The following HIP1 variants were observed in gnomAD, a reference collection of about 807,000 sequenced individuals.
HIP1 encodes huntingtin interacting protein 1.
Under a neutral mutation model 147.6 loss-of-function variants are expected in HIP1, and 65 were observed. The observed-to-expected ratio is 0.44, with a 90% CI of 0.36 to 0.54. The LOEUF is 0.54. Among genes scored for constraint, HIP1 ranks in the 20% least tolerant of loss-of-function variants. The pLI is 0.00. For synonymous variants in HIP1, 479 were observed against 504.0 expected (o/e 0.95, Z 0.67); for missense variants, 1,061 against 1,299.6 (o/e 0.82, Z 2.82).
Position 75,562,003 on chromosome 7 carries a change from T to C in HIP1, c.1118+70A>G, listed in dbSNP as rs587593882. 24 of 871,496 alleles carry C rather than the reference T, an allele frequency of 2.8e-5. 1 individual carries two copies. The South Asian group carries it at 3.1e-4, about 11-fold the overall frequency. The allele number at this position is 871,496 out of a possible 1,614,324, so 54.0% of individuals were successfully genotyped here. On this transcript the variant is annotated intron_variant, in intron 12 of 30. Coordinates refer to ENST00000336926, the MANE Select transcript of HIP1 (RefSeq NM_005338.7). ...GTATCATTAAGAATTCCTCTTTGGT[T>C]AGTGTTTTGAGGCAGACCATGGCTT...
intron 1 of HIP1, among the ~76,000 whole-genome samples, chr7:75,608,694 G>T (rs1273311268): frequency 6.6e-6 from 1 of 152,194 alleles, no homozygotes; most frequent in Non-Finnish European, 1.5e-5. Flanking sequence ...TGAACTTAAA[G>T]CTGTCTCATG....
intron 1 of HIP1, among the ~76,000 whole-genome samples, chr7:75,709,102 T>A (rs1036893162): frequency 7.5e-6 from 1 of 133,714 alleles, no homozygotes; most frequent in Admixed American, 8.1e-5. Flanking sequence ...CTTCTTCTTT[T>A]TCTTTTCTTT....
chr7:75,703,170 G>A (rs1032881862), intron 1 of HIP1, among the ~76,000 whole-genome samples: 5 of 152,066 alleles, frequency 3.3e-5, no homozygotes, highest in Admixed American at 6.6e-5. Context: ...CCAACATGGC[G>A]AAACCCATCT....
At chr7:75,719,268 G>A (rs1236364865) in intron 1 of HIP1, among the ~76,000 whole-genome samples, 1 of 152,120 alleles carries the variant, frequency 6.6e-6, no homozygotes, top group Non-Finnish European at 1.5e-5. Flanking sequence ...ACTTTGGGAG[G>A]CCAAGGCGGG....
At chr7:75,563,866 C>T (rs56034449) in intron 9 of HIP1, among the ~76,000 whole-genome samples, 6,071 of 152,218 alleles carry the variant, frequency 0.04, 165 homozygotes, top group Middle Eastern at 0.086. Flanking sequence ...TGGATATGCA[C>T]ATGAAGAAAC....
chr7:75,670,056 C>A (rs1799687750), intron 1 of HIP1, among the ~76,000 whole-genome samples: 1 of 152,214 alleles, frequency 6.6e-6, no homozygotes, highest in East Asian at 1.9e-4. Flanking sequence ...CTGCCTCAGC[C>A]TCCCAAAGTG....
At chr7:75,726,737 T>A (rs1261121606) in intron 1 of HIP1, among the ~76,000 whole-genome samples, 1 of 148,448 alleles carries the variant, frequency 6.7e-6, no homozygotes, top group Non-Finnish European at 1.5e-5. Flanking sequence ...AGAGTCTCGC[T>A]CTGTCCACCA....
At chr7:75,632,755 ACTATG>A (rs1403812677) in intron 1 of HIP1, among the ~76,000 whole-genome samples, 4 of 152,066 alleles carry the variant, frequency 2.6e-5, no homozygotes, top group Non-Finnish European at 5.9e-5. Context: ...GCGCAAATGG[ACTATG>A]CAACTGACCG....
At chr7:75,639,324 G>T (rs1798561570) in intron 1 of HIP1, 1 of 298,984 alleles carries the variant, frequency 3.3e-6, no homozygotes, top group Admixed American at 6.6e-5. Context: ...GGGCGGGGGA[G>T]GCGCGGCCCC....
At chr7:75,562,884 G>A (rs1245721869) in intron 11 of HIP1, 51 bp downstream of exon 11, 1 of 1,599,616 alleles carries the variant, frequency 6.3e-7, no homozygotes, top group African/African-American at 1.3e-5. Flanking sequence ...CCTCTCCCCT[G>A]TACTTGCAGG....
chr7:75,627,312 G>A (rs1480650491), intron 1 of HIP1, among the ~76,000 whole-genome samples: 2 of 152,080 alleles, frequency 1.3e-5, no homozygotes, highest in African/African-American at 4.8e-5. Context: ...TACACCACTT[G>A]GCAGAATCAA....
chr7:75,664,008 A>G (rs1187441401), intron 1 of HIP1, among the ~76,000 whole-genome samples: 2 of 23,128 alleles, frequency 8.6e-5, no homozygotes, highest in Non-Finnish European at 1.4e-4. Context: ...ATATATGTGT[A>G]TATATATACA....
At chr7:75,540,030 T>G (rs1209150522) in intron 29 of HIP1, among the ~76,000 whole-genome samples, 5 of 152,212 alleles carry the variant, frequency 3.3e-5, no homozygotes, top group African/African-American at 1.2e-4. Context: ...CTTACACTTA[T>G]TACTGCTACA....
chr7:75,583,511 C>T (rs1490281274), intron 5 of HIP1, among the ~76,000 whole-genome samples: 10 of 152,054 alleles, frequency 6.6e-5, no homozygotes, highest in South Asian at 2.1e-4. Context: ...TTGACAGATT[C>T]GGTGCCTGGT....
chr7:75,665,671 C>T (rs561027367), intron 1 of HIP1, among the ~76,000 whole-genome samples: 1 of 152,154 alleles, frequency 6.6e-6, no homozygotes, highest in South Asian at 2.1e-4. Flanking sequence ...TCCCCAGTAG[C>T]TGGGATTGCA....
chr7:75,724,714 G>C (rs1801600863), intron 1 of HIP1, among the ~76,000 whole-genome samples: 1 of 152,186 alleles, frequency 6.6e-6, no homozygotes, highest in Admixed American at 6.5e-5. Context: ...TTTAGGGCCT[G>C]TGTGCCAGTA....
intron 26 of HIP1, 30 bp downstream of exon 26, chr7:75,545,058 G>T (rs1554490725): frequency 5.2e-6 from 7 of 1,338,208 alleles, no homozygotes; most frequent in Non-Finnish European, 6.3e-6. Context: ...AGGGGTCATG[G>T]GAGGACCCTT....
intron 1 of HIP1, among the ~76,000 whole-genome samples, chr7:75,727,901 C>T (rs575009622): frequency 1.3e-5 from 2 of 150,922 alleles, no homozygotes; most frequent in South Asian, 4.2e-4. Flanking sequence ...TTCTAAGTCA[C>T]ACATATCTAA....
At chr7:75,649,478 T>C (rs1798905272) in intron 1 of HIP1, among the ~76,000 whole-genome samples, 1 of 152,146 alleles carries the variant, frequency 6.6e-6, no homozygotes, top group Non-Finnish European at 1.5e-5. Context: ...CCTCTGAATC[T>C]GAGAGGGCAA....
Sources: allele counts gnomAD v4.1 joint callset (sites outside exome capture counted in the v4.1 genomes callset), GRCh38; gene constraint gnomAD v4.1.1; transcripts MANE v1.5; gene names NCBI Gene and HGNC (gene_info 2026-07-23, HGNC 2026-07-21).